Variants in IL1RAPL2 observed in about 807,000 individuals in gnomAD.
The protein encoded by IL1RAPL2 is interleukin 1 receptor accessory protein like 2.
IL1RAPL2 carries 3 observed loss-of-function variants against 44.1 expected under a neutral mutation model. The ratio of observed to expected loss-of-function variants is 0.07; its 90% CI spans 0.03 to 0.18. IL1RAPL2 has a LOEUF of 0.18. IL1RAPL2 is among the 10% of genes least tolerant of loss of function. The pLI is 1.00. For synonymous variants in IL1RAPL2, 181 were observed against 178.8 expected, an observed-to-expected ratio of 1.01 and a Z score of -0.10; for missense variants, 391 against 496.4, an observed-to-expected ratio of 0.79 and a Z score of 2.02.
chrX:104,746,104 A>G (rs1451772206), intron 2 of IL1RAPL2, among the ~76,000 whole-genome samples: 1 of 112,002 alleles, frequency 8.9e-6, no homozygotes, highest in African/African-American at 3.2e-5. Flanking sequence ...AAACAAAACA[A>G]TAATATTTAT....
At chrX:104,756,079 AT>A (rs946516407) in intron 2 of IL1RAPL2, among the ~76,000 whole-genome samples, 1 of 110,472 alleles carries the variant, frequency 9.1e-6, no homozygotes, top group Non-Finnish European at 1.9e-5. Flanking sequence ...TGCTTGTGTG[AT>A]TTTTTTTGGT....
chrX:105,767,568 T>C lies in IL1RAPL2; in HGVS notation c.1968T>C (p.Asn656=), dbSNP rs942625812. 1.7e-5 allele frequency: 21 copies of C among 1,208,590 alleles called. No homozygotes were observed. The highest frequency in any genetic ancestry group is 2.3e-5 in the Non-Finnish European group (21 of 894,143). The part of the protein sequence containing the change: ...LTLLNGQLPL[N]NTLKDTQEFH... The stretch of plus-strand genomic sequence containing the variant: ...TACTCAACGGACAGCTACCCCTTAA[T>C]AACACCCTGAAAGATACCCAGGAAT... The change falls in exon 11 of 11, where the codon AAT becomes AAC. Residue 656 remains asparagine (N), a synonymous_variant. Transcript: ENST00000372582.
chrX:105,581,604 T>C (rs1181574466), intron 6 of IL1RAPL2, among the ~76,000 whole-genome samples: 1 of 111,688 alleles, frequency 9.0e-6, no homozygotes, highest in Non-Finnish European at 1.9e-5. Flanking sequence ...TTAGGCTGTG[T>C]CTAATTTTTC....
chrX:105,027,257 T>A (rs1387981734), intron 2 of IL1RAPL2, among the ~76,000 whole-genome samples: 1 of 111,355 alleles, frequency 9.0e-6, no homozygotes, highest in Non-Finnish European at 1.9e-5. Flanking sequence ...AGGACCTTGG[T>A]CAGGGCAAAA....
intron 2 of IL1RAPL2, among the ~76,000 whole-genome samples, chrX:104,796,705 G>T (rs966578724): frequency 1.8e-5 from 2 of 112,371 alleles, no homozygotes; most frequent in Non-Finnish European, 3.8e-5. Context: ...AAATTCCTGG[G>T]TTAGGGTAAA....
rs765147204 is a variant in IL1RAPL2, at chrX:105,057,013, G to A, written c.83-138462G>A. On this transcript the variant is annotated intron_variant, in intron 2 of 10. Transcript: ENST00000372582. ...TGATGTGCATGGTGATGACCATGACGTTCTGAATGGCCATTATTGCCCAGT... is the reference window on the plus strand; with the variant it reads ...TGATGTGCATGGTGATGACCATGACATTCTGAATGGCCATTATTGCCCAGT... 7.2e-5 allele frequency among the ~76,000 whole-genome samples: 8 copies of A among 111,467 alleles called. No individual in the cohort carries two copies. In the East Asian group the frequency reaches 2.0e-3, roughly 28 times the overall value.
intron 1 of IL1RAPL2, among the ~76,000 whole-genome samples, chrX:104,569,580 AT>A (rs1307109429): frequency 8.9e-6 from 1 of 112,363 alleles, no homozygotes; most frequent in Admixed American, 9.4e-5. Context: ...TTGAAATTTT[AT>A]TTAGCTTTAA....
chrX:104,717,791 T>C (rs975772358), intron 2 of IL1RAPL2, among the ~76,000 whole-genome samples: 6 of 108,087 alleles, frequency 5.6e-5, no homozygotes, highest in Non-Finnish European at 1.2e-4. Flanking sequence ...GTGTGTGATG[T>C]TCCCCTTCCT....
chrX:105,359,750 T>C (rs1454035031), intron 5 of IL1RAPL2, among the ~76,000 whole-genome samples: 1 of 80,320 alleles, frequency 1.2e-5, no homozygotes, highest in Non-Finnish European at 2.6e-5. Context: ...TTAACTGTAA[T>C]TTAATAATAA....
intron 2 of IL1RAPL2, among the ~76,000 whole-genome samples, chrX:104,905,624 T>C (rs1361398676): frequency 1.3e-4 from 14 of 111,440 alleles, no homozygotes; most frequent in African/African-American, 3.6e-4. Context: ...AGATATGTGG[T>C]GTTATTTCTG....
chrX:104,788,103 A>C (rs1340220499), intron 2 of IL1RAPL2, among the ~76,000 whole-genome samples: 1 of 112,294 alleles, frequency 8.9e-6, no homozygotes, highest in Non-Finnish European at 1.9e-5. Context: ...AGAGTTTTAC[A>C]CAAGGATGGA....
At chrX:105,219,293 A>G in intron 3 of IL1RAPL2, 1 of 1,210,550 alleles carries the variant, frequency 8.3e-7, no homozygotes, top group Admixed American at 2.2e-5. Flanking sequence ...TATGAGTATG[A>G]GTATGAGGCA....
chrX:105,034,439 T>A (rs1210894966), intron 2 of IL1RAPL2, among the ~76,000 whole-genome samples: 3 of 112,206 alleles, frequency 2.7e-5, no homozygotes, highest in East Asian at 2.8e-4. Context: ...TTTTCCTTCT[T>A]ACAGACAGGA....
chrX:104,946,283 GA>G (rs1175009869), intron 2 of IL1RAPL2, among the ~76,000 whole-genome samples: 1 of 91,223 alleles, frequency 1.1e-5, no homozygotes, highest in African/African-American at 4.0e-5. Flanking sequence ...TGAGGCAGGA[GA>G]ATGGCGTGAA....
chrX:105,226,432 C>G (rs887669831), intron 3 of IL1RAPL2, among the ~76,000 whole-genome samples: 1 of 72,082 alleles, frequency 1.4e-5, no homozygotes, highest in Non-Finnish European at 2.3e-5. Context: ...GTGTCTCACT[C>G]TGTTGCTCAG....
At position 104,730,521 on chromosome X, in the gene IL1RAPL2, T is replaced by C. The variant is rs777159010; in HGVS notation, c.82+71526T>C. Among the ~76,000 whole-genome samples, 855 of 105,477 alleles carry C rather than the reference T, an allele frequency of 8.1e-3. 13 individuals carry two copies. Among genetic ancestry groups the C allele is most frequent in the African/African-American group, 0.027 (799 of 29,540 alleles). 91.6% of individuals were successfully genotyped at this position (105,477 alleles called of 115,157 possible). A position where few individuals can be genotyped will look rare whatever the true frequency, so the allele number is the denominator to read the frequency against. The stretch of plus-strand genomic sequence containing the variant: ...GTTTACTGAGAATGACGATTTCCAA[T>C]TTCATCCATGTCCCTACAAAGGACA... On this transcript the variant is annotated intron_variant, in intron 2 of 10. Transcript: ENST00000372582.
At chrX:105,368,673 A>T (rs184548207) in intron 5 of IL1RAPL2, among the ~76,000 whole-genome samples, 57 of 111,258 alleles carry the variant, frequency 5.1e-4, no homozygotes, top group African/African-American at 1.8e-3. Context: ...AGTTTCTTTG[A>T]ATTCATCCTA....
intron 2 of IL1RAPL2, among the ~76,000 whole-genome samples, chrX:104,984,936 TATC>T (rs1019378271): frequency 2.3e-4 from 26 of 111,847 alleles, no homozygotes; most frequent in African/African-American, 8.1e-4. Context: ...GATGAAAACT[TATC>T]ATATTAATTA....
rs1924428338 is a variant in IL1RAPL2, at chrX:104,916,293, TA to T, written c.82+257300del. ...TTGAAGAGGTCCTTCCCATCCCTTG[TA>T]AGTTGGATTCCTAGATATTTTATTC... On this transcript the variant is annotated intron_variant, in intron 2 of 10. Coordinates refer to ENST00000372582, the MANE Select transcript of IL1RAPL2 (RefSeq NM_017416.2). Among the ~76,000 whole-genome samples the T allele has an allele frequency of 2.7e-5, 3 of 111,879 alleles. No individual in the cohort carries two copies. In the South Asian group the frequency reaches 1.1e-3, roughly 42 times the overall value.
Sources: gnomAD v4.1 joint callset for allele counts (sites outside exome capture counted in the v4.1 genomes callset) on GRCh38, gnomAD v4.1.1 for gene constraint, MANE v1.5 for transcripts, NCBI Gene and HGNC (gene_info 2026-07-23, HGNC 2026-07-21) for gene names.